The following FBXL17 variants were observed in gnomAD, a reference collection of about 807,000 sequenced individuals.
FBXL17 encodes the protein F-box/LRR-repeat protein 17.
FBXL17 carries 22 observed loss-of-function variants against 66.2 expected under a neutral mutation model. The observed-to-expected ratio is 0.33, with a 90% confidence interval of 0.24 to 0.47. FBXL17 has a LOEUF of 0.47. Ranked by LOEUF, FBXL17 falls within the 20% of genes least tolerant of loss-of-function variation. The probability of loss-of-function intolerance (pLI) is 1.00; values close to 1 mark genes in which losing one functional copy is unlikely to be tolerated. For synonymous variants in FBXL17, 474 were observed against 400.5 expected (o/e 1.18, Z -2.19); for missense variants, 878 against 948.2 (o/e 0.93, Z 0.97).
At chr5:108,368,361 G>A (rs1289856714) in intron 1 of FBXL17, among the ~76,000 whole-genome samples, 1 of 151,916 alleles carries the variant, frequency 6.6e-6, no homozygotes, top group African/African-American at 2.4e-5. Context: ...TTTACAGTTT[G>A]ACCTTGGAGC....
chr5:108,207,769 G>A (rs1754186810), intron 5 of FBXL17, among the ~76,000 whole-genome samples: 1 of 152,162 alleles, frequency 6.6e-6, no homozygotes, highest in Non-Finnish European at 1.5e-5. Context: ...TGTGAATAGT[G>A]CTGCAATAAA....
intron 7 of FBXL17, among the ~76,000 whole-genome samples, chr5:107,910,181 T>A (rs1749903304): frequency 6.6e-6 from 1 of 151,992 alleles, no homozygotes; most frequent in Non-Finnish European, 1.5e-5. Flanking sequence ...GGGGACAAAC[T>A]ATTCAAGCAA....
chr5:108,132,613 T>C (rs1350283717), intron 6 of FBXL17, among the ~76,000 whole-genome samples: 1 of 152,234 alleles, frequency 6.6e-6, no homozygotes, highest in Admixed American at 6.5e-5. Context: ...AATTTTATTT[T>C]CTAATGGATT....
chr5:107,939,694 T>C (rs1370237722), intron 7 of FBXL17, among the ~76,000 whole-genome samples: 2 of 152,176 alleles, frequency 1.3e-5, no homozygotes, highest in Non-Finnish European at 2.9e-5. Context: ...ATTCTGTGCA[T>C]ATATTATACA....
intron 6 of FBXL17, among the ~76,000 whole-genome samples, chr5:108,038,663 C>T (rs956315833): frequency 6.6e-6 from 1 of 151,760 alleles, no homozygotes. Flanking sequence ...TAAATATGAA[C>T]ACAAAAGAGA....
intron 1 of FBXL17, 30 bp downstream of exon 1, chr5:108,380,669 A>G: frequency 8.1e-7 from 1 of 1,239,502 alleles, no homozygotes; most frequent in South Asian, 4.1e-5. Context: ...GGGGAAAGCG[A>G]GCATCCCTGC....
At chr5:108,294,283 A>G (rs1580761805) in intron 4 of FBXL17, among the ~76,000 whole-genome samples, 2 of 73,400 alleles carry the variant, frequency 2.7e-5, no homozygotes, top group South Asian at 3.1e-4. Flanking sequence ...ATATATACTG[A>G]AAAAAAAAAA....
intron 6 of FBXL17, among the ~76,000 whole-genome samples, chr5:108,098,008 A>G (rs1047836713): frequency 6.6e-6 from 1 of 152,182 alleles, no homozygotes; most frequent in Non-Finnish European, 1.5e-5. Flanking sequence ...AAGCTTGTCT[A>G]TTATTCACTA....
At chr5:107,912,823 G>A (rs1490071437) in intron 7 of FBXL17, among the ~76,000 whole-genome samples, 6 of 152,070 alleles carry the variant, frequency 3.9e-5, no homozygotes, top group Non-Finnish European at 5.9e-5. Context: ...TAATAATAAG[G>A]AAAGTGCACA....
intron 7 of FBXL17, among the ~76,000 whole-genome samples, chr5:107,968,813 A>G (rs1726121681): frequency 6.6e-6 from 1 of 152,140 alleles, no homozygotes; most frequent in East Asian, 1.9e-4. Flanking sequence ...TTTAGAAACA[A>G]TTCTGATAAG....
intron 7 of FBXL17, among the ~76,000 whole-genome samples, chr5:107,889,829 C>T (rs570268192): frequency 3.3e-5 from 5 of 152,114 alleles, no homozygotes; most frequent in African/African-American, 1.2e-4. Context: ...TGAAAACAGA[C>T]AAAAATTTGA....
rs149015266 is a variant in FBXL17 at position 108,044,485 on chromosome 5, G to A, written c.1746-23484C>T. ...GAATACCAAACCAGCCTTGAATCCC[G>A]GGAATAAATTCCAGTTGGCCATAGT... On this transcript the variant is annotated intron_variant, in intron 6 of 8. Coordinates refer to ENST00000542267, the MANE Select transcript of FBXL17 (RefSeq NM_001163315.3). 4.9e-3 allele frequency among the ~76,000 whole-genome samples: 738 copies of A among 152,130 alleles called. 4 individuals are homozygous for A. Among genetic ancestry groups the A allele is most frequent in the African/African-American group, 0.017 (714 of 41,518 alleles).
At chr5:108,213,486 T>A (rs950457124) in intron 5 of FBXL17, among the ~76,000 whole-genome samples, 2 of 152,184 alleles carry the variant, frequency 1.3e-5, no homozygotes, top group African/African-American at 4.8e-5. Flanking sequence ...AAGCGCAGTA[T>A]CTGTGCTGGA....
intron 8 of FBXL17, among the ~76,000 whole-genome samples, chr5:107,871,057 C>CAAAAAAAAAAAAAAAAAAACAAAAAAA (rs1748433573): frequency 1.5e-5 from 1 of 65,890 alleles, no homozygotes; most frequent in African/African-American, 7.5e-5. Flanking sequence ...TCTTGGGCGG[C>CAAAAAAAAAAAAAAAAAAACAAAAAAA]AAAAAAAAAA....
At chr5:108,317,277 T>A (rs1056038286) in intron 4 of FBXL17, among the ~76,000 whole-genome samples, 34 of 151,156 alleles carry the variant, frequency 2.2e-4, no homozygotes, top group African/African-American at 7.7e-4. Flanking sequence ...ATTTCTAACA[T>A]AAAGAACACT....
chr5:108,216,708 C>A (rs955742412), intron 5 of FBXL17, among the ~76,000 whole-genome samples: 18 of 152,002 alleles, frequency 1.2e-4, no homozygotes, highest in African/African-American at 4.1e-4. Context: ...CCAGAGAGGC[C>A]CCCGCCTGTG....
At chr5:108,179,613 C>G (rs1000206856) in intron 6 of FBXL17, among the ~76,000 whole-genome samples, 7 of 152,222 alleles carry the variant, frequency 4.6e-5, no homozygotes, top group African/African-American at 1.7e-4. Context: ...GTCCAACCCT[C>G]CTTATAATTC....
chr5:108,350,680 T>C (rs1199836948), intron 3 of FBXL17, among the ~76,000 whole-genome samples: 1 of 152,174 alleles, frequency 6.6e-6, no homozygotes. Flanking sequence ...TCCAATGCCA[T>C]CAAATTCTGA....
At chr5:108,065,535 T>C (rs1390358496) in intron 6 of FBXL17, among the ~76,000 whole-genome samples, 1 of 152,194 alleles carries the variant, frequency 6.6e-6, no homozygotes, top group African/African-American at 2.4e-5. Context: ...CATGAATTTT[T>C]ACAGAAGGGA....
Sources: gnomAD v4.1 joint callset for allele counts (sites outside exome capture counted in the v4.1 genomes callset) on GRCh38, gnomAD v4.1.1 for gene constraint, MANE v1.5 for transcripts, NCBI Gene and HGNC (gene_info 2026-07-23, HGNC 2026-07-21) for gene names.